The following DNAH9 variants were observed in gnomAD, a reference collection of about 807,000 sequenced individuals.
The protein encoded by DNAH9 is dynein axonemal heavy chain 9.
DNAH9 carries 345 observed loss-of-function variants against 471.6 expected under a neutral mutation model. The ratio of observed to expected loss-of-function variants is 0.73; its 90% CI spans 0.67 to 0.80. The LOEUF (loss-of-function observed/expected upper bound fraction) is 0.80, where lower values mean the gene tolerates loss of function less well. Ranked by LOEUF, DNAH9 falls within the 30% of genes least tolerant of loss-of-function variation. The probability of loss-of-function intolerance (pLI) is 0.00; values close to 1 mark genes in which losing one functional copy is unlikely to be tolerated. For missense variants in DNAH9, 5,407 were observed against 5,609.2 expected, an observed-to-expected ratio of 0.96 and a Z score of 1.15; for synonymous variants, 2,093 against 2,123.6, an observed-to-expected ratio of 0.99 and a Z score of 0.40.
chr17:11,614,618 G>T (rs2072704964), intron 4 of DNAH9, among the ~76,000 whole-genome samples: 1 of 152,234 alleles, frequency 6.6e-6, no homozygotes, highest in Admixed American at 6.5e-5. Flanking sequence ...ATAAAGAGCA[G>T]AAATTTATTT....
Position 11,859,771 on chromosome 17 carries a change from C to T in DNAH9, c.9933+5343C>T, listed in dbSNP as rs544349691. On this transcript the variant is annotated intron_variant, in intron 50 of 68. Coordinates refer to ENST00000262442, the MANE Select transcript of DNAH9 (RefSeq NM_001372.4). ...CCCACACTCTTTTAAACAACCAGAT[C>T]TCCCCTGAACTAACTGATCAAGAAC... 3.3e-5 allele frequency among the ~76,000 whole-genome samples: 5 copies of T among 152,228 alleles called. No individual in the cohort carries two copies. The East Asian group carries it at 7.7e-4, about 24-fold the overall frequency.
chr17:11,654,225 G>A lies in DNAH9; in HGVS notation c.2595+1223G>A, dbSNP rs1486610717. Among the ~76,000 whole-genome samples, 3 of 99,928 alleles carry A rather than the reference G, an allele frequency of 3.0e-5. 1 individual carries two copies. The highest frequency in any genetic ancestry group is 1.1e-4 in the African/African-American group (3 of 28,246). The allele number at this position is 99,928 out of a possible 152,430, so 65.6% of individuals were successfully genotyped here. ...AAAAAAATTAGCCGGGCGTGATGGC[G>A]GGCGCCTGTAGTCCCAGCTACTCGG... On this transcript the variant is annotated intron_variant, in intron 14 of 68. Coordinates refer to ENST00000262442, the MANE Select transcript of DNAH9 (RefSeq NM_001372.4).
At position 11,694,728 on chromosome 17, in the gene DNAH9, T is replaced by TCTC. The variant is rs1567724991; in HGVS notation, c.4872+281_4872+282insCTC. On this transcript the variant is annotated intron_variant, in intron 22 of 68. Coordinates refer to ENST00000262442, the MANE Select transcript of DNAH9 (RefSeq NM_001372.4). Reference sequence around the variant, plus strand: ...TCTCTCTCTCTCTCTCTCTCTCTCTTTCTCTTTCTTTCTTTCTTTCTTTCC... The same window carrying TCTC: ...TCTCTCTCTCTCTCTCTCTCTCTCTTCTCTCTCTTTCTTTCTTTCTTTCTTTCC... Among the ~76,000 whole-genome samples the TCTC allele has an allele frequency of 7.7e-4, 2 of 2,592 alleles. 1 individual carries two copies. Among genetic ancestry groups the TCTC allele is most frequent in the Non-Finnish European group, 9.3e-3 (2 of 216 alleles). 1.7% of individuals were successfully genotyped at this position (2,592 alleles called of 152,430 possible). A position where few individuals can be genotyped will look rare whatever the true frequency, so the allele number is the denominator to read the frequency against.
chr17:11,736,586 C>T (rs1159164172), intron 28 of DNAH9, among the ~76,000 whole-genome samples: 1 of 152,204 alleles, frequency 6.6e-6, no homozygotes, highest in African/African-American at 2.4e-5. Context: ...GTGATTTGCT[C>T]TGCGGACCGC....
At chr17:11,676,609 T>C (rs1204084320) in intron 17 of DNAH9, among the ~76,000 whole-genome samples, 1 of 152,162 alleles carries the variant, frequency 6.6e-6, no homozygotes, top group Non-Finnish European at 1.5e-5. Flanking sequence ...TTGTGCTTTC[T>C]GGTTTCCTTT....
intron 57 of DNAH9, among the ~76,000 whole-genome samples, chr17:11,890,680 TG>T (rs1434708078): frequency 6.6e-6 from 1 of 152,070 alleles, no homozygotes; most frequent in African/African-American, 2.4e-5. Flanking sequence ...TTGTTGTTTT[TG>T]TTGTTGTTGT....
intron 53 of DNAH9, among the ~76,000 whole-genome samples, chr17:11,878,209 G>C (rs1036165583): frequency 2.5e-4 from 38 of 150,506 alleles, no homozygotes; most frequent in Admixed American, 2.0e-4. Context: ...CGAATGCATT[G>C]TAGGCCCTTA....
chr17:11,719,448 C>T lies in DNAH9; in HGVS notation c.5667C>T (p.Ile1889=). 6.2e-7 allele frequency: 1 copy of T among 1,613,842 alleles called. No individual in the cohort carries two copies. The highest frequency in any genetic ancestry group is 8.5e-7 in the Non-Finnish European group (1 of 1,179,972). The change falls in exon 27 of 69, where the codon ATC becomes ATT. Residue 1889 remains isoleucine, a synonymous_variant. Transcript: ENST00000262442. ...AGGACCTGGGCCGCGCACTGGGCAT[C>T]CTGGTCTATGTGTTCAACTGCTCGG... ...TTKDLGRALG[I]LVYVFNCSEQ...
chr17:11,936,944 G>A (rs1345760595), intron 65 of DNAH9, among the ~76,000 whole-genome samples: 1 of 152,140 alleles, frequency 6.6e-6, no homozygotes, highest in Non-Finnish European at 1.5e-5. Context: ...GGAGAGAAAA[G>A]AAGGAAAGGT....
Position 11,747,539 on chromosome 17 carries a change from A to G in DNAH9, c.6400-17A>G, listed in dbSNP as rs777514332. 1 of 1,610,916 alleles carries G rather than the reference A, an allele frequency of 6.2e-7. No homozygotes were observed. Among genetic ancestry groups the G allele is most frequent in the Non-Finnish European group, 8.5e-7 (1 of 1,178,580 alleles). ...GTCACAGGCTGGTCCCTCTGGCTGA[A>G]TTTCCTGCCTCCTCAGGTGGTCCAG... On this transcript the variant is annotated splice_polypyrimidine_tract_variant and intron_variant, in intron 31 of 68. Coordinates refer to ENST00000262442, the MANE Select transcript of DNAH9 (RefSeq NM_001372.4).
chr17:11,906,849 C>T (rs565615423), intron 61 of DNAH9, among the ~76,000 whole-genome samples: 6 of 152,024 alleles, frequency 3.9e-5, no homozygotes, highest in African/African-American at 1.4e-4. Flanking sequence ...GGGAAGAACA[C>T]ACACTGGGGC....
At chr17:11,642,079 C>A (rs927527417) in intron 10 of DNAH9, among the ~76,000 whole-genome samples, 2 of 152,078 alleles carry the variant, frequency 1.3e-5, no homozygotes, top group African/African-American at 4.8e-5. Context: ...GGTACTTCTG[C>A]AGCAGCCAAC....
At chr17:11,866,897 G>T (rs1382748607) in intron 50 of DNAH9, among the ~76,000 whole-genome samples, 4 of 152,226 alleles carry the variant, frequency 2.6e-5, no homozygotes, top group Non-Finnish European at 5.9e-5. Flanking sequence ...GGGTGGGAGT[G>T]ACCCGATTTT....
Position 11,617,632 on chromosome 17 carries a change from C to A in DNAH9, c.1116+10C>A. 1.9e-6 allele frequency: 3 copies of A among 1,608,670 alleles called. No individual in the cohort carries two copies. The highest frequency in any genetic ancestry group is 2.6e-6 in the Non-Finnish European group (3 of 1,175,722). Reference sequence around the variant, plus strand: ...CCTTCTCATCCAGCAGGTGGGCTGCCCTGGGATGCCCAGCAACTGCTCCCT... The same window carrying A: ...CCTTCTCATCCAGCAGGTGGGCTGCACTGGGATGCCCAGCAACTGCTCCCT... On this transcript the variant is annotated intron_variant, in intron 5 of 68. Coordinates refer to ENST00000262442, the MANE Select transcript of DNAH9 (RefSeq NM_001372.4).
At chr17:11,680,348 G>A (rs2074113534) in intron 18 of DNAH9, among the ~76,000 whole-genome samples, 1 of 152,086 alleles carries the variant, frequency 6.6e-6, no homozygotes, top group African/African-American at 2.4e-5. Context: ...AAAGGGAAGG[G>A]GTTAATGTAG....
intron 51 of DNAH9, 86 bp downstream of exon 51, chr17:11,869,339 C>A: frequency 6.6e-7 from 1 of 1,515,282 alleles, no homozygotes; most frequent in South Asian, 1.3e-5. Flanking sequence ...ATGAGCACAG[C>A]ACAGCAGCGC....
intron 61 of DNAH9, among the ~76,000 whole-genome samples, chr17:11,908,843 C>A (rs1036518697): frequency 2.0e-5 from 3 of 152,170 alleles, no homozygotes; most frequent in Non-Finnish European, 2.9e-5. Context: ...GGGTGTTTAT[C>A]ACAATTAACA....
chr17:11,782,117 C>A (rs1041676762), intron 39 of DNAH9, among the ~76,000 whole-genome samples: 3 of 152,128 alleles, frequency 2.0e-5, no homozygotes, highest in African/African-American at 7.2e-5. Context: ...GTTAAGATGG[C>A]AACTTGAGTT....
At chr17:11,783,593 T>C in intron 39 of DNAH9, 53 bp from the exon 40 acceptor site, 1 of 1,432,984 alleles carries the variant, frequency 7.0e-7, no homozygotes, top group South Asian at 1.2e-5. Flanking sequence ...GACAAAGCAC[T>C]CACCTGCCTC....
Sources: allele counts gnomAD v4.1 joint callset (sites outside exome capture counted in the v4.1 genomes callset), GRCh38; gene constraint gnomAD v4.1.1; transcripts MANE v1.5; gene names NCBI Gene and HGNC (gene_info 2026-07-23, HGNC 2026-07-21).